Variants in ROBO2 observed in about 807,000 individuals in gnomAD.
The protein encoded by ROBO2 is roundabout guidance receptor 2.
In ROBO2, 53 loss-of-function variants were observed where a neutral mutation model predicts 160.8. The ratio of observed to expected loss-of-function variants is 0.33; its 90% CI spans 0.26 to 0.41. The LOEUF (loss-of-function observed/expected upper bound fraction) is 0.41. Ranked by LOEUF, ROBO2 falls within the 10% of genes least tolerant of loss-of-function variation. The probability of loss-of-function intolerance (pLI) is 1.00; values close to 1 mark genes in which losing one functional copy is unlikely to be tolerated. For synonymous variants in ROBO2, 664 were observed against 611.7 expected, an observed-to-expected ratio of 1.09 and a Z score of -1.26; for missense variants, 1,577 against 1,722.4, an observed-to-expected ratio of 0.92 and a Z score of 1.49.
At chr3:76,860,988 C>T (rs911274350) in intron 2 of ROBO2, among the ~76,000 whole-genome samples, 2 of 152,102 alleles carry the variant, frequency 1.3e-5, no homozygotes, top group African/African-American at 2.4e-5. Context: ...AACTTTAGCC[C>T]GTTCCTCTAA....
chr3:76,644,850 A>G (rs2109776072), intron 2 of ROBO2, among the ~76,000 whole-genome samples: 1 of 152,336 alleles, frequency 6.6e-6, no homozygotes, highest in African/African-American at 2.4e-5. Flanking sequence ...TTGTATGCTT[A>G]CTATATGTCA....
At chr3:77,645,488 T>C (rs569515358) in intron 25 of ROBO2, among the ~76,000 whole-genome samples, 1 of 152,286 alleles carries the variant, frequency 6.6e-6, no homozygotes, top group Non-Finnish European at 1.5e-5. Context: ...AAATTAAGAA[T>C]GTCACAGCAA....
chr3:77,049,467 G>A (rs768266180), intron 1 of ROBO2, among the ~76,000 whole-genome samples: 23 of 152,148 alleles, frequency 1.5e-4, no homozygotes, highest in Non-Finnish European at 3.4e-4. Context: ...ATATGGCTAT[G>A]GATATGCATG....
At chr3:77,072,179 C>T (rs2067492887) in intron 1 of ROBO2, among the ~76,000 whole-genome samples, 1 of 152,118 alleles carries the variant, frequency 6.6e-6, no homozygotes, top group Non-Finnish European at 1.5e-5. Flanking sequence ...CTATGAGAAC[C>T]TAATGCCTGA....
At chr3:76,121,335 G>T (rs1421159915) in intron 2 of ROBO2, among the ~76,000 whole-genome samples, 1 of 152,126 alleles carries the variant, frequency 6.6e-6, no homozygotes, top group Non-Finnish European at 1.5e-5. Flanking sequence ...GAGTAGTAAG[G>T]AGGGGGGAGG....
intron 2 of ROBO2, among the ~76,000 whole-genome samples, chr3:77,370,530 G>A (rs2071590171): frequency 6.6e-6 from 1 of 152,178 alleles, no homozygotes; most frequent in Non-Finnish European, 1.5e-5. Context: ...AGCAGGTCGA[G>A]TGTATTGGGT....
At chr3:76,625,521 G>A (rs2089572706) in intron 2 of ROBO2, among the ~76,000 whole-genome samples, 1 of 146,550 alleles carries the variant, frequency 6.8e-6, no homozygotes, top group East Asian at 2.0e-4. Flanking sequence ...ATTACGTGCA[G>A]CAGGAAAAAA....
chr3:75,992,543 G>A (rs2065604404), intron 2 of ROBO2, among the ~76,000 whole-genome samples: 1 of 152,170 alleles, frequency 6.6e-6, no homozygotes, highest in Admixed American at 6.5e-5. Flanking sequence ...GCATGGGTGG[G>A]GCCCTCAGGG....
At chr3:77,537,465 T>C (rs1307334861) in intron 6 of ROBO2, among the ~76,000 whole-genome samples, 1 of 152,154 alleles carries the variant, frequency 6.6e-6, no homozygotes, top group Non-Finnish European at 1.5e-5. Flanking sequence ...GAGTAGAATA[T>C]GAAGTCTAAA....
chr3:76,664,417 A>G (rs924670347), intron 2 of ROBO2, among the ~76,000 whole-genome samples: 5 of 152,212 alleles, frequency 3.3e-5, no homozygotes, highest in Non-Finnish European at 7.3e-5. Flanking sequence ...AAAAGAGGAA[A>G]TATCATTTAG....
In ROBO2 at chr3:76,766,702, TG is replaced by T. The variant is rs2061593625; in HGVS notation, c.110-331307del. Among the ~76,000 whole-genome samples the T allele has an allele frequency of 2.0e-5, 3 of 151,566 alleles. No homozygotes were observed. In the South Asian group the frequency reaches 6.2e-4, roughly 31 times the overall value. On this transcript the variant is annotated intron_variant, in intron 2 of 26. Transcript: ENST00000487694. Reference sequence around the variant, plus strand: ...TGGATCTTTTCCTTAACAACAAAGTTGGGGGTGGAGTGCTAATTTCTAAATA... The same window carrying T: ...TGGATCTTTTCCTTAACAACAAAGTTGGGGTGGAGTGCTAATTTCTAAATA...
At chr3:77,527,139 A>G (rs771511404) in intron 6 of ROBO2, among the ~76,000 whole-genome samples, 2 of 151,442 alleles carry the variant, frequency 1.3e-5, no homozygotes, top group Non-Finnish European at 3.0e-5. Context: ...TAACTGCAGT[A>G]AGTGATGATG....
intron 1 of ROBO2, among the ~76,000 whole-genome samples, chr3:75,936,384 T>A (rs1947782942): frequency 1.3e-5 from 2 of 152,188 alleles, no homozygotes; most frequent in African/African-American, 2.4e-5. Flanking sequence ...ATTATTAAGT[T>A]TACTTTTCTT....
At chr3:76,229,347 CAGTTT>C (rs1704482718) in intron 2 of ROBO2, among the ~76,000 whole-genome samples, 1 of 151,832 alleles carries the variant, frequency 6.6e-6, no homozygotes, top group Non-Finnish European at 1.5e-5. Flanking sequence ...GAAACTAGAC[CAGTTT>C]AGTTTAATTC....
intron 2 of ROBO2, among the ~76,000 whole-genome samples, chr3:77,245,369 C>T (rs994188807): frequency 2.0e-5 from 3 of 152,060 alleles, no homozygotes; most frequent in African/African-American, 7.2e-5. Flanking sequence ...AATGACATTG[C>T]CCAGTGACAT....
chr3:77,012,100 C>T (rs1021138161), intron 2 of ROBO2, among the ~76,000 whole-genome samples: 1 of 151,922 alleles, frequency 6.6e-6, no homozygotes, highest in African/African-American at 2.4e-5. Flanking sequence ...GTAATTTGTC[C>T]ACTAGAAGAC....
chr3:76,608,592 T>G (rs868327936), intron 2 of ROBO2, among the ~76,000 whole-genome samples: 1 of 152,308 alleles, frequency 6.6e-6, no homozygotes. Flanking sequence ...ATCCCATTCA[T>G]CTATTTTTGC....
chr3:77,356,058 G>A (rs1401699346), intron 2 of ROBO2, among the ~76,000 whole-genome samples: 2 of 152,048 alleles, frequency 1.3e-5, no homozygotes, highest in Non-Finnish European at 2.9e-5. Flanking sequence ...CCATTCTATG[G>A]TAATACTTAT....
chr3:76,567,042 A>G (rs1487264917), intron 2 of ROBO2, among the ~76,000 whole-genome samples: 1 of 152,224 alleles, frequency 6.6e-6, no homozygotes, highest in East Asian at 1.9e-4. Context: ...TTAGGAGAAT[A>G]TATTAAACTA....
Sources: allele counts gnomAD v4.1 joint callset (sites outside exome capture counted in the v4.1 genomes callset), GRCh38; gene constraint gnomAD v4.1.1; transcripts MANE v1.5; gene names NCBI Gene and HGNC (gene_info 2026-07-23, HGNC 2026-07-21).